Variants in YTHDC1 observed in about 807,000 individuals in gnomAD.
YTHDC1 encodes the protein YTH domain-containing protein 1.
In YTHDC1, 12 loss-of-function variants were observed where a neutral mutation model predicts 107.0. The observed-to-expected ratio is 0.11, with a 90% CI of 0.07 to 0.18. The LOEUF (loss-of-function observed/expected upper bound fraction) is 0.18, where lower values mean the gene tolerates loss of function less well. Among genes scored for constraint, YTHDC1 ranks in the 10% least tolerant of loss-of-function variants. The pLI is 1.00. For synonymous variants in YTHDC1, 280 were observed against 289.5 expected, an observed-to-expected ratio of 0.97 and a Z score of 0.33; for missense variants, 635 against 898.8, an observed-to-expected ratio of 0.71 and a Z score of 3.75.
At chr4:68,330,902 G>T (rs1180406303) in intron 7 of YTHDC1, among the ~76,000 whole-genome samples, 2 of 152,058 alleles carry the variant, frequency 1.3e-5, no homozygotes, top group Non-Finnish European at 2.9e-5. Context: ...CAGATAAAAA[G>T]AAATGGAATA....
Position 68,322,858 on chromosome 4 carries a change from T to C in YTHDC1, c.1492A>G (p.Ile498Val), listed in dbSNP as rs1722581952. Residue 498 changes from isoleucine to valine, a missense_variant, in exon 11 of 17, where the codon ATT (isoleucine) becomes GTT (valine). By Grantham distance (29) the Ile-to-Val change is conservative. Coordinates refer to ENST00000344157, the MANE Select transcript of YTHDC1 (RefSeq NM_001031732.4). This position sits in a 1 kb window ranked among gnomAD's most constrained non-coding sequence, Gnocchi z 4.8. Reference protein sequence around the residue: ...LCLLFPPDESIDLYQVIHKMR... With the variant: ...LCLLFPPDESVDLYQVIHKMR... Reference sequence around the variant, plus strand: ...TTATGAATGACCTGATACAAGTCAATACTTTCATCGGGGGGAAACAGAAGA... The same window carrying C: ...TTATGAATGACCTGATACAAGTCAACACTTTCATCGGGGGGAAACAGAAGA... The C allele has an allele frequency of 6.2e-7, 1 of 1,614,152 alleles. No homozygotes were observed. The highest frequency in any genetic ancestry group is 8.5e-7 in the Non-Finnish European group (1 of 1,180,014).
intron 12 of YTHDC1, 30 bp from the exon 13 acceptor site, chr4:68,318,892 CA>C (rs755903047): frequency 3.1e-6 from 5 of 1,611,282 alleles, no homozygotes; most frequent in Non-Finnish European, 4.2e-6. Context: ...TTTAGTAAAT[CA>C]AATTTATATT....
chr4:68,318,956 T>A, intron 12 of YTHDC1, 94 bp from the exon 13 acceptor site: 1 of 1,319,268 alleles, frequency 7.6e-7, no homozygotes, highest in Non-Finnish European at 1.1e-6. Context: ...TTCAATTCTT[T>A]CCATGAAATA....
At chr4:68,342,678 C>T (rs1043027616) in intron 1 of YTHDC1, among the ~76,000 whole-genome samples, 5 of 152,162 alleles carry the variant, frequency 3.3e-5, no homozygotes, top group African/African-American at 1.2e-4. Context: ...ATGTAAACTG[C>T]TGCTTCTGGC....
At chr4:68,328,675 T>G (rs1723249467) in intron 9 of YTHDC1, among the ~76,000 whole-genome samples, 1 of 152,232 alleles carries the variant, frequency 6.6e-6, no homozygotes, top group African/African-American at 2.4e-5. Flanking sequence ...GGGATGAGTA[T>G]TTTTTCTGCA....
chr4:68,348,198 C>G (rs930096625), intron 1 of YTHDC1, among the ~76,000 whole-genome samples: 6 of 152,166 alleles, frequency 3.9e-5, no homozygotes, highest in African/African-American at 1.4e-4. Flanking sequence ...ATTACTGCGT[C>G]TACTCTATTA....
intron 1 of YTHDC1, 67 bp from the exon 2 acceptor site, chr4:68,338,451 A>G: frequency 8.0e-7 from 1 of 1,250,794 alleles, no homozygotes; most frequent in Non-Finnish European, 1.1e-6. Flanking sequence ...TTGAGTACTT[A>G]CTAAGTGTGA....
Position 68,315,941 on chromosome 4 carries a change from G to C in YTHDC1, c.1959+373C>G, listed in dbSNP as rs139590229. 5.8e-3 allele frequency: 906 copies of C among 156,146 alleles called. 11 individuals are homozygous for C. Among genetic ancestry groups the C allele is most frequent in the African/African-American group, 0.021 (854 of 41,656 alleles). 9.7% of individuals were successfully genotyped at this position (156,146 alleles called of 1,614,324 possible). ...GCTTATCAGCTAACTTAATATACAC[G>C]ATCTATCCTAGAAAAATTGAGTAAG... On this transcript the variant is annotated intron_variant, in intron 16 of 16. Coordinates refer to ENST00000344157, the MANE Select transcript of YTHDC1 (RefSeq NM_001031732.4).
chr4:68,330,319 A>G lies in YTHDC1; in HGVS notation c.1123-9T>C. Reference sequence around the variant, plus strand: ...AGCGTGGACCATACACCCTACATAAATAACATAAAGACCACAAAGTGAAAT... The same window carrying G: ...AGCGTGGACCATACACCCTACATAAGTAACATAAAGACCACAAAGTGAAAT... On this transcript the variant is annotated splice_polypyrimidine_tract_variant and intron_variant, in intron 7 of 16. Transcript: ENST00000344157. 1 of 1,503,280 alleles carries G rather than the reference A, an allele frequency of 6.7e-7. No individual in the cohort carries two copies. The highest frequency in any genetic ancestry group is 8.9e-7 in the Non-Finnish European group (1 of 1,118,628). The allele number at this position is 1,503,280 out of a possible 1,614,324, so 93.1% of individuals were successfully genotyped here.
Position 68,318,828 on chromosome 4 carries a change from G to A in YTHDC1, c.1719C>T (p.Asp573=). The change falls in exon 13 of 17, where the codon GAC becomes GAT. Residue 573 remains aspartate (D), a splice_region_variant and synonymous_variant. Coordinates refer to ENST00000344157, the MANE Select transcript of YTHDC1 (RefSeq NM_001031732.4). ...YLKDPRYQEV[D]RRFSGVRRDV... ...AGGCAAGAGTGAACCCGACTTACCT[G>A]TCCACTTCCTGGTATCGTGGATCCT... 1 of 1,614,116 alleles carries A rather than the reference G, an allele frequency of 6.2e-7. No individual in the cohort carries two copies. The highest frequency in any genetic ancestry group is 8.5e-7 in the Non-Finnish European group (1 of 1,180,006).
At chr4:68,337,509 A>T (rs1291051530) in intron 3 of YTHDC1, 59 bp from the exon 4 acceptor site, 1 of 1,596,584 alleles carries the variant, frequency 6.3e-7, no homozygotes, top group African/African-American at 1.4e-5. Flanking sequence ...CAGGGTGAAT[A>T]AACAGTTCTA....
At chr4:68,337,996 G>A in intron 2 of YTHDC1, 96 bp from the exon 3 acceptor site, 2 of 1,482,554 alleles carry the variant, frequency 1.3e-6, no homozygotes, top group South Asian at 1.4e-5. Flanking sequence ...CAGGAAGGGG[G>A]GATAGGCCTC....
At chr4:68,318,396 C>G in intron 15 of YTHDC1, 123 bp downstream of exon 15, 1 of 980,746 alleles carries the variant, frequency 1.0e-6, no homozygotes, top group Non-Finnish European at 1.5e-6. Flanking sequence ...GTGTGAGCCA[C>G]GGCGCCTGGC....
At chr4:68,334,713 A>ATTAT (rs988451856) in intron 4 of YTHDC1, among the ~76,000 whole-genome samples, 3 of 152,118 alleles carry the variant, frequency 2.0e-5, no homozygotes, top group African/African-American at 7.2e-5. Flanking sequence ...TTAAAAAAGA[A>ATTAT]TTATTTCATG....
intron 1 of YTHDC1, among the ~76,000 whole-genome samples, chr4:68,340,434 T>A (rs1047153009): frequency 1.3e-5 from 2 of 152,078 alleles, no homozygotes; most frequent in Admixed American, 6.6e-5. Context: ...TTTTAAAAAA[T>A]CTTATTTAAA....
intron 1 of YTHDC1, among the ~76,000 whole-genome samples, chr4:68,339,943 T>A (rs1724633069): frequency 6.6e-6 from 1 of 152,190 alleles, no homozygotes; most frequent in Non-Finnish European, 1.5e-5. Flanking sequence ...AATACCATTT[T>A]AAATTTTAAA....
chr4:68,317,206 C>T (rs984692810), intron 15 of YTHDC1, among the ~76,000 whole-genome samples: 3 of 151,760 alleles, frequency 2.0e-5, no homozygotes, highest in Admixed American at 6.6e-5. Flanking sequence ...CCTGGGAGAC[C>T]GAATGAGACC....
intron 4 of YTHDC1, among the ~76,000 whole-genome samples, chr4:68,336,531 A>C (rs1378485981): frequency 4.6e-5 from 7 of 152,208 alleles, no homozygotes; most frequent in African/African-American, 1.7e-4. Flanking sequence ...ACCCTGTCTC[A>C]GCCAGTCAAC....
At position 68,318,702 on chromosome 4, in the gene YTHDC1, C is replaced by G; in HGVS notation, c.1749G>C (p.Val583=). Residue 583 remains valine (V), a synonymous_variant, in exon 14 of 17, where the codon GTG becomes GTC. Transcript: ENST00000344157. ...ATGAAATGCTTACCCCATTTAAAAA[C>G]ACATCTCGGCGAACTCCTGAAAATC... is the stretch of plus-strand genomic sequence containing the variant. ...DRRFSGVRRD[V]FLNGSYNDYV... 6.2e-7 allele frequency: 1 copy of G among 1,614,026 alleles called. No homozygotes were observed. Among genetic ancestry groups the G allele is most frequent in the East Asian group, 2.2e-5 (1 of 44,850 alleles).
Sources: allele counts gnomAD v4.1 joint callset (sites outside exome capture counted in the v4.1 genomes callset), GRCh38; gene constraint gnomAD v4.1.1; non-coding constraint Gnocchi (gnomAD v3.1); transcripts MANE v1.5; gene names NCBI Gene and HGNC (gene_info 2026-07-23, HGNC 2026-07-21).